The following KCND2 variants were observed in gnomAD, a reference collection of about 807,000 sequenced individuals.
The protein encoded by KCND2 is potassium voltage-gated channel subfamily D member 2.
KCND2 carries 16 observed loss-of-function variants against 54.4 expected under a neutral mutation model. That is an observed-to-expected ratio of 0.29 (90% CI 0.20 to 0.45). KCND2 has a LOEUF of 0.45. KCND2 is among the 20% of genes least tolerant of loss of function. The pLI is 1.00. For missense variants in KCND2, 486 were observed against 824.2 expected (o/e 0.59, Z 5.02); for synonymous variants, 317 against 310.7 (o/e 1.02, Z -0.21).
chr7:120,713,518 GAA>G (rs2116076089), intron 1 of KCND2, among the ~76,000 whole-genome samples: 1 of 152,268 alleles, frequency 6.6e-6, no homozygotes, highest in African/African-American at 2.4e-5. Flanking sequence ...CATCAACTGT[GAA>G]ACAGTAGGAA....
intron 1 of KCND2, among the ~76,000 whole-genome samples, chr7:120,544,579 G>A (rs1035170012): frequency 5.3e-5 from 8 of 151,850 alleles, no homozygotes; most frequent in Non-Finnish European, 1.2e-4. Context: ...CCTAAAATTA[G>A]CAGTGGACTC....
rs556064709 is a variant in KCND2 at position 120,510,081 on chromosome 7, C to A, written c.1116-222822C>A. ...ACACTTCCTTATGTGACACAAATCCCCTAGTACATGCTTCGCTAGCGCTAA... is the reference window on the plus strand; with the variant it reads ...ACACTTCCTTATGTGACACAAATCCACTAGTACATGCTTCGCTAGCGCTAA... On this transcript the variant is annotated intron_variant, in intron 1 of 5. Transcript: ENST00000331113. Among the ~76,000 whole-genome samples, 6 of 152,182 alleles carry A rather than the reference C, an allele frequency of 3.9e-5. No homozygotes were observed. In the South Asian group the frequency reaches 1.2e-3, roughly 32 times the overall value.
intron 1 of KCND2, among the ~76,000 whole-genome samples, chr7:120,425,993 A>G (rs1053454454): frequency 6.6e-6 from 1 of 151,974 alleles, no homozygotes; most frequent in African/African-American, 2.4e-5. Flanking sequence ...AAGTAAAGGA[A>G]TATTACAAAA....
In KCND2 at chr7:120,365,201, AG is replaced by A. The variant is rs1800650611; in HGVS notation, c.1115+89455del. Among the ~76,000 whole-genome samples the A allele has an allele frequency of 2.4e-5, 3 of 127,072 alleles. No homozygotes were observed. The South Asian group carries it at 9.1e-4, about 38-fold the overall frequency. 83.4% of individuals were successfully genotyped at this position (127,072 alleles called of 152,430 possible). On this transcript the variant is annotated intron_variant, in intron 1 of 5. Transcript: ENST00000331113. ...AGAGAGGAAGGAAGGAAGGGAGGAA[AG>A]AAGGAAGGAAGGGAGGGAGGGAGGG...
At chr7:120,358,487 G>A (rs10953909) in intron 1 of KCND2, among the ~76,000 whole-genome samples, 16,184 of 151,998 alleles carry the variant, frequency 0.11, 886 homozygotes, top group Admixed American at 0.13. Context: ...GTGCTTTAAT[G>A]ACTTCAATTT....
At chr7:120,615,857 C>T (rs565619598) in intron 1 of KCND2, among the ~76,000 whole-genome samples, 7 of 152,276 alleles carry the variant, frequency 4.6e-5, no homozygotes, top group African/African-American at 1.7e-4. Context: ...TGATCTGAAA[C>T]TGGGTCAAAC....
chr7:120,510,835 C>T (rs1045392567), intron 1 of KCND2, among the ~76,000 whole-genome samples: 14 of 151,874 alleles, frequency 9.2e-5, no homozygotes, highest in Non-Finnish European at 1.9e-4. Context: ...GCAGCAGCCT[C>T]GTCCCTCCTC....
intron 1 of KCND2, among the ~76,000 whole-genome samples, chr7:120,728,445 C>T (rs898118013): frequency 5.3e-5 from 8 of 151,800 alleles, no homozygotes; most frequent in African/African-American, 1.9e-4. Flanking sequence ...GCATGTGCCA[C>T]CACACCCGGC....
At chr7:120,575,236 C>T (rs1792415917) in intron 1 of KCND2, among the ~76,000 whole-genome samples, 1 of 152,102 alleles carries the variant, frequency 6.6e-6, no homozygotes, top group African/African-American at 2.4e-5. Context: ...CCCAAAACCT[C>T]AAAAGTAGGG....
chr7:120,432,846 G>A (rs960081635), intron 1 of KCND2, among the ~76,000 whole-genome samples: 9 of 152,070 alleles, frequency 5.9e-5, no homozygotes, highest in South Asian at 2.1e-4. Context: ...TTCCTTTTCA[G>A]TGTGTCTCCT....
intron 1 of KCND2, among the ~76,000 whole-genome samples, chr7:120,298,457 G>A (rs1230750374): frequency 2.0e-5 from 3 of 152,180 alleles, no homozygotes; most frequent in Non-Finnish European, 4.4e-5. Flanking sequence ...GGTGTTTGGT[G>A]ATTGATGTGT....
intron 1 of KCND2, among the ~76,000 whole-genome samples, chr7:120,664,465 T>C (rs1791901337): frequency 6.7e-6 from 1 of 150,192 alleles, no homozygotes; most frequent in African/African-American, 2.5e-5. Context: ...AGAGAAGAAA[T>C]GAAGGGAGGA....
chr7:120,481,343 T>C (rs1383843698), intron 1 of KCND2, among the ~76,000 whole-genome samples: 2 of 152,130 alleles, frequency 1.3e-5, no homozygotes, highest in African/African-American at 2.4e-5. Context: ...AAGAAAGGAA[T>C]GACTTAAAGG....
Position 120,425,294 on chromosome 7 carries a change from G to C in KCND2, c.1115+149547G>C, listed in dbSNP as rs141417540. Among the ~76,000 whole-genome samples the C allele has an allele frequency of 2.6e-3, 398 of 152,228 alleles. 1 individual carries two copies. The highest frequency in any genetic ancestry group is 9.3e-3 in the African/African-American group (386 of 41,550). On this transcript the variant is annotated intron_variant, in intron 1 of 5. Transcript: ENST00000331113. ...ACAGAATATTTTGCCACCTAGGAAA[G>C]ATATATTGGAATGAATATAAAAAAT...
intron 1 of KCND2, among the ~76,000 whole-genome samples, chr7:120,625,084 G>A (rs1294206984): frequency 6.6e-6 from 1 of 152,038 alleles, no homozygotes; most frequent in Non-Finnish European, 1.5e-5. Flanking sequence ...ATGAGACTTG[G>A]CCCATACTCT....
chr7:120,452,436 A>T (rs1802126732), intron 1 of KCND2, among the ~76,000 whole-genome samples: 2 of 152,128 alleles, frequency 1.3e-5, no homozygotes, highest in South Asian at 4.1e-4. Context: ...CATCAGGTAG[A>T]CTGGCAGATT....
chr7:120,695,336 AAGT>A (rs1352133726), intron 1 of KCND2, among the ~76,000 whole-genome samples: 1 of 152,056 alleles, frequency 6.6e-6, no homozygotes, highest in Non-Finnish European at 1.5e-5. Flanking sequence ...AATGCAGAAA[AAGT>A]ATGTTTGTCC....
chr7:120,621,804 A>C (rs542429086), intron 1 of KCND2, among the ~76,000 whole-genome samples: 4 of 152,236 alleles, frequency 2.6e-5, no homozygotes, highest in African/African-American at 9.6e-5. Flanking sequence ...TAAAGGAGCA[A>C]ATTTCAGTCT....
intron 1 of KCND2, among the ~76,000 whole-genome samples, chr7:120,451,236 G>A (rs916645452): frequency 6.6e-6 from 1 of 152,056 alleles, no homozygotes; most frequent in African/African-American, 2.4e-5. Flanking sequence ...ATCTATAGGA[G>A]GAAAAAGGTC....
Sources: allele counts gnomAD v4.1 joint callset (sites outside exome capture counted in the v4.1 genomes callset), GRCh38; gene constraint gnomAD v4.1.1; transcripts MANE v1.5; gene names NCBI Gene and HGNC (gene_info 2026-07-23, HGNC 2026-07-21).